The following SPAST variants were observed in gnomAD, a reference collection of about 807,000 sequenced individuals.
SPAST encodes the protein spastic paraplegia 4 (autosomal dominant; spastin).
In SPAST, 30 loss-of-function variants were observed where a neutral mutation model predicts 76.6. The observed-to-expected ratio is 0.39, with a 90% confidence interval of 0.29 to 0.53. The LOEUF is 0.53. Among genes scored for constraint, SPAST ranks in the 20% least tolerant of loss-of-function variants. SPAST has a pLI of 0.68. For missense variants in SPAST, 717 were observed against 770.5 expected, an observed-to-expected ratio of 0.93 and a Z score of 0.82; for synonymous variants, 305 against 281.0, an observed-to-expected ratio of 1.09 and a Z score of -0.86.
In SPAST at chr2:32,115,703, G is replaced by A; in HGVS notation, c.872G>A (p.Gly291Asp). 1 of 1,604,264 alleles carries A rather than the reference G, an allele frequency of 6.2e-7. No homozygotes were observed. The highest frequency in any genetic ancestry group is 8.5e-7 in the Non-Finnish European group (1 of 1,172,234). Residue 291 changes from glycine (G) to aspartate (D), a missense_variant and splice_region_variant, in exon 6 of 17, where the codon GGT becomes GAT. By Grantham distance (94) the Gly-to-Asp change is moderately conservative (BLOSUM62 -1). This residue lies in a region of SPAST where 543 missense variants were observed against 445.2 expected (regional missense o/e 1.22). Transcript: ENST00000315285. ...TATTAAAATTTTGTATCCTTTAAGGGTACTCCGAAAACAAATAGGACAAAT... is the reference window on the plus strand; with the variant it reads ...TATTAAAATTTTGTATCCTTTAAGGATACTCCGAAAACAAATAGGACAAAT... ...GSGPAPTTHK[G>D]TPKTNRTNKP...
chr2:32,087,429 C>A (rs975536886), intron 1 of SPAST, 63 bp from the exon 2 acceptor site: 1 of 983,356 alleles, frequency 1.0e-6, no homozygotes, highest in Non-Finnish European at 1.6e-6. Context: ...CTCTCAACAG[C>A]ATGATTTGCA....
At chr2:32,102,530 G>A (rs1250045511) in intron 4 of SPAST, among the ~76,000 whole-genome samples, 3 of 152,274 alleles carry the variant, frequency 2.0e-5, no homozygotes, top group South Asian at 4.1e-4. Flanking sequence ...GTGAGAGAGG[G>A]CATCCCTGTC....
At chr2:32,106,034 G>T (rs1337030748) in intron 4 of SPAST, among the ~76,000 whole-genome samples, 3 of 152,170 alleles carry the variant, frequency 2.0e-5, no homozygotes, top group African/African-American at 7.2e-5. Context: ...GCTGCCTTTT[G>T]TTCAGCTATC....
At chr2:32,110,107 T>TTTTTTG (rs1232828053) in intron 4 of SPAST, among the ~76,000 whole-genome samples, 3 of 57,228 alleles carry the variant, frequency 5.2e-5, no homozygotes, top group Admixed American at 1.8e-4. Flanking sequence ...TTTTTTTGTT[T>TTTTTTG]TTTTTTTTTG....
At chr2:32,110,588 A>G (rs1022191534) in intron 4 of SPAST, among the ~76,000 whole-genome samples, 10 of 135,142 alleles carry the variant, frequency 7.4e-5, no homozygotes, top group African/African-American at 2.5e-4. Context: ...TATAGTGTAT[A>G]TATCGTATAT....
chr2:32,128,542 C>A, intron 9 of SPAST, 63 bp downstream of exon 9: 1 of 1,038,542 alleles, frequency 9.6e-7, no homozygotes, highest in South Asian at 1.3e-5. Flanking sequence ...ACTGTGTTAA[C>A]TGTAAATGGT....
At chr2:32,091,004 A>G (rs1677692284) in intron 3 of SPAST, among the ~76,000 whole-genome samples, 1 of 152,054 alleles carries the variant, frequency 6.6e-6, no homozygotes, top group Admixed American at 6.6e-5. Context: ...CAACTGTAAT[A>G]GAAACTTTTA....
Position 32,125,896 on chromosome 2 carries a change from G to A in SPAST, c.1099-1052G>A, listed in dbSNP as rs371204138. 1.7e-3 allele frequency among the ~76,000 whole-genome samples: 262 copies of A among 152,234 alleles called. 9 individuals carry two copies. In the South Asian group the frequency reaches 0.051, roughly 29 times the overall value. On this transcript the variant is annotated intron_variant, in intron 7 of 16. Transcript: ENST00000315285. Reference sequence around the variant, plus strand: ...TACACGCTCCGCCTCCCGGGTTCACGCCATTTTCCTGCCTCAGCCTCCTGA... The same window carrying A: ...TACACGCTCCGCCTCCCGGGTTCACACCATTTTCCTGCCTCAGCCTCCTGA...
intron 1 of SPAST, among the ~76,000 whole-genome samples, chr2:32,077,034 C>G (rs1339908664): frequency 2.6e-5 from 4 of 152,106 alleles, no homozygotes; most frequent in African/African-American, 9.7e-5. Context: ...TGCCACCATG[C>G]CTGGCTAATT....
chr2:32,100,048 A>C (rs1371953235), intron 4 of SPAST, among the ~76,000 whole-genome samples: 2 of 152,138 alleles, frequency 1.3e-5, no homozygotes, highest in African/African-American at 4.8e-5. Flanking sequence ...TTGGTGGGTC[A>C]TATGGTAGTT....
At chr2:32,081,991 T>G (rs1448145479) in intron 1 of SPAST, among the ~76,000 whole-genome samples, 1 of 149,836 alleles carries the variant, frequency 6.7e-6, no homozygotes, top group Non-Finnish European at 1.5e-5. Context: ...AAAACTTTTT[T>G]TCTAGTTCTC....
chr2:32,099,555 T>C (rs1242537319), intron 4 of SPAST, among the ~76,000 whole-genome samples: 2 of 152,192 alleles, frequency 1.3e-5, no homozygotes, highest in African/African-American at 2.4e-5. Flanking sequence ...TGACAGATAA[T>C]GTACCTGTTC....
Position 32,116,157 on chromosome 2 carries a change from A to C in SPAST, c.1043A>C (p.Asp348Ala). 6.2e-7 allele frequency: 1 copy of C among 1,613,650 alleles called. No individual in the cohort carries two copies. The highest frequency in any genetic ancestry group is 8.5e-7 in the Non-Finnish European group (1 of 1,179,708). The change falls in exon 7 of 17, where the codon GAC becomes GCC. Residue 348 changes from aspartate to alanine, a missense_variant. Around this residue, in one of 3 missense-constraint regions of SPAST, gnomAD observed 78 missense variants for 197.6 expected, o/e 0.39. Coordinates refer to ENST00000315285, the MANE Select transcript of SPAST (RefSeq NM_014946.4). Reference sequence around the variant, plus strand: ...AAATTTGATGATATAGCTGGTCAAGACTTGGCAAAACAAGCATTGCAAGAA... The same window carrying C: ...AAATTTGATGATATAGCTGGTCAAGCCTTGGCAAAACAAGCATTGCAAGAA... ...AVKFDDIAGQDLAKQALQEIV... is the reference protein window; with the variant it reads ...AVKFDDIAGQALAKQALQEIV...
chr2:32,152,958 G>A (rs1053937018), intron 16 of SPAST, among the ~76,000 whole-genome samples: 1 of 152,056 alleles, frequency 6.6e-6, no homozygotes, highest in African/African-American at 2.4e-5. Context: ...ATGTTGCCCA[G>A]GCTGGTCTCT....
intron 9 of SPAST, among the ~76,000 whole-genome samples, chr2:32,135,231 G>A (rs1451042740): frequency 1.3e-5 from 2 of 151,198 alleles, no homozygotes; most frequent in Non-Finnish European, 2.9e-5. Context: ...CTGGGTTCAC[G>A]CCATTCTCCT....
At chr2:32,083,231 C>G (rs1485437779) in intron 1 of SPAST, among the ~76,000 whole-genome samples, 2 of 152,102 alleles carry the variant, frequency 1.3e-5, no homozygotes, top group African/African-American at 4.8e-5. Context: ...GCTGGGATTA[C>G]AGGTGTGAGC....
intron 16 of SPAST, 86 bp downstream of exon 16, chr2:32,147,344 G>GTGTGT: frequency 3.8e-6 from 1 of 266,508 alleles, no homozygotes; most frequent in South Asian, 8.1e-5. Context: ...GTGTGTGTGT[G>GTGTGT]GTTTTTTTTT....
intron 1 of SPAST, among the ~76,000 whole-genome samples, chr2:32,068,439 A>G (rs1271935780): frequency 2.0e-5 from 3 of 151,476 alleles, no homozygotes; most frequent in Non-Finnish European, 1.5e-5. Flanking sequence ...CTCCTGCCTC[A>G]GCCTCCCCAG....
chr2:32,150,927 T>TA (rs573417320), intron 16 of SPAST, among the ~76,000 whole-genome samples: 69 of 151,760 alleles, frequency 4.5e-4, no homozygotes, highest in African/African-American at 1.6e-3. Flanking sequence ...GTTATATTGT[T>TA]ACAATATTTG....
Sources: gnomAD v4.1 joint callset for allele counts (sites outside exome capture counted in the v4.1 genomes callset) on GRCh38, gnomAD v4.1.1 for gene constraint, gnomAD v4.1.1 regional missense constraint, MANE v1.5 for transcripts, NCBI Gene and HGNC (gene_info 2026-07-23, HGNC 2026-07-21) for gene names.